ZNF600: variants seen among roughly 807,000 people sequenced by gnomAD.
ZNF600 encodes the protein zinc finger protein 600, also known as zinc finger protein KR-ZNF1.
Under a neutral mutation model 7.3 loss-of-function variants are expected in ZNF600, and 4 were observed. The ratio of observed to expected loss-of-function variants is 0.55; its 90% CI spans 0.27 to 1.25. The LOEUF is 1.25. Among genes scored for constraint, ZNF600 ranks in the 50% most tolerant of loss-of-function variants. The pLI is 0.12. For synonymous variants in ZNF600, 290 were observed against 308.9 expected (o/e 0.94, Z 0.64); for missense variants, 911 against 922.1 (o/e 0.99, Z 0.16).
chr19:52,820,265 C>T, the ZNF600 span, among the ~76,000 whole-genome samples: 10 of 138,016 alleles, frequency 7.2e-5, 3 homozygotes, highest in South Asian at 5.0e-4. Context: ...CTACAGGCGC[C>T]CGCCACCGCG....
At chr19:52,818,482 G>A in the ZNF600 span, among the ~76,000 whole-genome samples, 1 of 152,116 alleles carries the variant, frequency 6.6e-6, no homozygotes, top group Non-Finnish European at 1.5e-5. Flanking sequence ...AAAGGCCGAG[G>A]TGGGTGGATT....
At chr19:52,810,248 TCCAGGCAATGCTGGC>T in the ZNF600 span, 1 of 1,276,786 alleles carries the variant, frequency 7.8e-7, no homozygotes, top group Non-Finnish European at 1.1e-6. Context: ...TGAGTCTACC[TCCAGGCAATGCTGGC>T]CCAGTGATCA....
At chr19:52,828,292 T>C in the ZNF600 span, among the ~76,000 whole-genome samples, 45 of 151,962 alleles carry the variant, frequency 3.0e-4, no homozygotes, top group African/African-American at 1.1e-3. Flanking sequence ...CCTCAAGTGA[T>C]CCACCCACCT....
At chr19:52,827,576 G>C in the ZNF600 span, among the ~76,000 whole-genome samples, 1 of 151,064 alleles carries the variant, frequency 6.6e-6, no homozygotes, top group African/African-American at 2.5e-5. Flanking sequence ...ATAGAAGAAG[G>C]ATTTTTTTTT....
At chr19:52,820,763 C>T in the ZNF600 span, among the ~76,000 whole-genome samples, 1 of 152,190 alleles carries the variant, frequency 6.6e-6, no homozygotes, top group Non-Finnish European at 1.5e-5. Context: ...TCTCCAGTTG[C>T]TTTTCTCCTC....
chr19:52,771,999 T>A (rs778696081), intron 3 of ZNF600, among the ~76,000 whole-genome samples: 1 of 152,182 alleles, frequency 6.6e-6, no homozygotes, highest in Non-Finnish European at 1.5e-5. Context: ...GGCTGACAAA[T>A]CTTATTAAAC....
chr19:52,787,205 C>A (rs1406542131), upstream of ZNF600, among the ~76,000 whole-genome samples: 2 of 152,134 alleles, frequency 1.3e-5, no homozygotes, highest in Non-Finnish European at 2.9e-5. Flanking sequence ...AGAGCTCAGG[C>A]CAGGGAGGAG....
chr19:52,766,911 G>T (rs1293123158), exon 4 of ZNF600: 2 of 1,613,910 alleles, frequency 1.2e-6, no homozygotes, highest in African/African-American at 1.3e-5. Context: ...CTGATTAAAA[G>T]CTTTGTCACA....
At chr19:52,813,031 A>G in the ZNF600 span, among the ~76,000 whole-genome samples, 1 of 151,854 alleles carries the variant, frequency 6.6e-6, no homozygotes, top group Non-Finnish European at 1.5e-5. Context: ...CAATTTATAC[A>G]TTGTGAAAAG....
At chr19:52,775,045 C>G (rs10425643) in intron 2 of ZNF600, among the ~76,000 whole-genome samples, 152,198 of 152,220 alleles carry the variant, frequency 1, 76,088 homozygotes, top group Middle Eastern at 1. Flanking sequence ...TTCGAGACCA[C>G]CCTGGCCAAC....
In ZNF600 at chr19:52,766,644, G is replaced by T. The variant is rs544317507; in HGVS notation, c.1319C>A (p.Ser440Ter). 15 of 1,614,126 alleles carry T rather than the reference G, an allele frequency of 9.3e-6. No individual in the cohort carries two copies. The South Asian group carries it at 1.4e-4, about 15-fold the overall frequency. Residue 440 changes from serine to a stop codon, truncating the protein, a stop_gained, in exon 4 of 4, where the codon TCA becomes TAA. Transcript: ENST00000648973. LOFTEE classifies it low-confidence loss of function (END_TRUNC). ...AAGTCTATGATGGCATACAAGGGAT[G>T]ACTTGTGACTGAAGGTCTTGCCACA...
At chr19:52,774,487 C>CA in intron 3 of ZNF600, 88 bp downstream of exon 5, 1 of 960,502 alleles carries the variant, frequency 1.0e-6, no homozygotes, top group Non-Finnish European at 1.2e-6. Context: ...ATGCATGGGG[C>CA]AAAATCACAA....
intron 1 of ZNF600, 101 bp from the exon 3 acceptor site, chr19:52,781,156 T>C (rs899226213): frequency 1.5e-5 from 2 of 135,772 alleles, no homozygotes; most frequent in Non-Finnish European, 3.0e-5. Context: ...ATCTTGTGCT[T>C]CTTTTTTTTT....
At chr19:52,800,383 T>C in the ZNF600 span, 3 of 1,613,950 alleles carry the variant, frequency 1.9e-6, no homozygotes, top group Admixed American at 3.3e-5. Flanking sequence ...CCAGTATGAA[T>C]CCTCCTATGT....
the ZNF600 span, among the ~76,000 whole-genome samples, chr19:52,804,955 T>C: frequency 6.6e-6 from 1 of 152,192 alleles, no homozygotes; most frequent in Non-Finnish European, 1.5e-5. Context: ...AGCCATCTAA[T>C]AGCACTAACA....
At chr19:52,781,795 G>T (rs527717415) in intron 1 of ZNF600, among the ~76,000 whole-genome samples, 1 of 151,574 alleles carries the variant, frequency 6.6e-6, no homozygotes, top group South Asian at 2.1e-4. Context: ...AGGCAAGGTG[G>T]CTCACACCTG....
At chr19:52,817,154 C>T in the ZNF600 span, among the ~76,000 whole-genome samples, 1 of 152,090 alleles carries the variant, frequency 6.6e-6, no homozygotes, top group East Asian at 1.9e-4. Flanking sequence ...AGGCGGATCG[C>T]CTGAGGTCGG....
the ZNF600 span, chr19:52,818,127 A>G: frequency 7.8e-7 from 1 of 1,274,946 alleles, no homozygotes; most frequent in Non-Finnish European, 1.1e-6. Context: ...CCTTGAGGAA[A>G]TATGGTCCCC....
At chr19:52,826,223 A>G in the ZNF600 span, among the ~76,000 whole-genome samples, 2 of 152,012 alleles carry the variant, frequency 1.3e-5, no homozygotes, top group Non-Finnish European at 2.9e-5. Flanking sequence ...AGAACAAATT[A>G]TCCTCTACCA....
Sources: gnomAD v4.1 joint callset for allele counts (sites outside exome capture counted in the v4.1 genomes callset) on GRCh38, gnomAD v4.1.1 for gene constraint, MANE v1.5 for transcripts, NCBI Gene and HGNC (gene_info 2026-07-23, HGNC 2026-07-21) for gene names.